The following SNX9 variants were observed in gnomAD, a reference collection of about 807,000 sequenced individuals.
SNX9 encodes the protein sorting nexin 9, also known as sorting nexin-9.
SNX9 carries 44 observed loss-of-function variants against 89.4 expected under a neutral mutation model. The observed-to-expected ratio is 0.49, with a 90% confidence interval of 0.39 to 0.63. The LOEUF is 0.63. Ranked by LOEUF, SNX9 falls within the 30% of genes least tolerant of loss-of-function variation. SNX9 has a pLI of 0.00. For missense variants in SNX9, 578 were observed against 736.1 expected (o/e 0.79, Z 2.49); for synonymous variants, 236 against 247.8 (o/e 0.95, Z 0.45).
intron 1 of SNX9, among the ~76,000 whole-genome samples, chr6:157,863,011 T>G (rs1397540792): frequency 6.6e-6 from 1 of 152,222 alleles, no homozygotes; most frequent in Non-Finnish European, 1.5e-5. Flanking sequence ...AGGACACTGT[T>G]TCTCTTTGTC....
intron 2 of SNX9, among the ~76,000 whole-genome samples, chr6:157,868,559 CATTT>C (rs1351030779): frequency 6.6e-6 from 1 of 152,204 alleles, no homozygotes; most frequent in Non-Finnish European, 1.5e-5. Context: ...ACATAATATT[CATTT>C]GTGTCCAATC....
intron 1 of SNX9, among the ~76,000 whole-genome samples, chr6:157,864,320 C>T (rs961261555): frequency 3.9e-5 from 6 of 152,140 alleles, no homozygotes; most frequent in Non-Finnish European, 8.8e-5. Flanking sequence ...CCATTTGCCG[C>T]ACCTCCCAAT....
Position 157,909,785 on chromosome 6 carries a change from C to T in SNX9, c.826C>T (p.Pro276Ser), listed in dbSNP as rs758195548. 2.5e-6 allele frequency: 4 copies of T among 1,613,916 alleles called. No individual in the cohort carries two copies. The South Asian group carries it at 4.4e-5, about 18-fold the overall frequency. The stretch of plus-strand genomic sequence containing the variant: ...GAGCTACATCGAATATCAGCTAACA[C>T]CTACTGTAAGTATCCACGTTATCAA... Reference protein sequence around the residue: ...LKSYIEYQLTPTNTNRSVNHR... With the variant: ...LKSYIEYQLTSTNTNRSVNHR... The change falls in exon 8 of 18, where the codon CCT becomes TCT. Residue 276 changes from proline to serine, a missense_variant. Transcript: ENST00000392185.
At chr6:157,847,111 T>C (rs1781819912) in intron 1 of SNX9, among the ~76,000 whole-genome samples, 1 of 152,156 alleles carries the variant, frequency 6.6e-6, no homozygotes, top group Non-Finnish European at 1.5e-5. Flanking sequence ...GTCTGCAGGT[T>C]TTTGTTTTTG....
intron 9 of SNX9, among the ~76,000 whole-genome samples, chr6:157,911,106 CTG>C (rs1265581143): frequency 1.4e-5 from 2 of 140,616 alleles, no homozygotes; most frequent in African/African-American, 6.1e-5. Flanking sequence ...GAGCGAGACT[CTG>C]TCTCAAATAA....
chr6:157,827,466 C>CTTATA (rs1781392671), intron 1 of SNX9, among the ~76,000 whole-genome samples: 5 of 19,144 alleles, frequency 2.6e-4, no homozygotes, highest in South Asian at 2.0e-3. Flanking sequence ...AATATATAAA[C>CTTATA]TTATAGTTTA....
chr6:157,896,774 T>G (rs1782985035), intron 4 of SNX9, 53 bp from the exon 5 acceptor site: 5 of 1,597,578 alleles, frequency 3.1e-6, no homozygotes, highest in Non-Finnish European at 4.3e-6. Flanking sequence ...TTGAATTGAG[T>G]CATGGTTTCC....
In SNX9 at chr6:157,896,961, C is replaced by T. The variant is rs202195603; in HGVS notation, c.435C>T (p.Asp145=). Residue 145 remains aspartate, a synonymous_variant, in exon 5 of 18, where the codon GAC becomes GAT. Coordinates refer to ENST00000392185, the MANE Select transcript of SNX9 (RefSeq NM_016224.5). The part of the protein sequence containing the change: ...QRNTNTPNNW[D]TAFGHPQAYQ... ...ACACAAACACTCCCAACAACTGGGA[C>T]ACTGCCTTCGGCCACCCCCAGGCCT... The T allele has an allele frequency of 6.2e-7, 1 of 1,611,420 alleles. No homozygotes were observed. The highest frequency in any genetic ancestry group is 1.7e-5 in the Admixed American group (1 of 58,930).
chr6:157,826,745 A>G (rs1254842708), intron 1 of SNX9, among the ~76,000 whole-genome samples: 1 of 129,358 alleles, frequency 7.7e-6, no homozygotes, highest in Non-Finnish European at 1.5e-5. Context: ...ACCTATTTAT[A>G]TTATAGGTTT....
intron 7 of SNX9, 63 bp from the exon 8 acceptor site, chr6:157,909,602 C>T: frequency 1.9e-6 from 3 of 1,586,812 alleles, no homozygotes; most frequent in Non-Finnish European, 2.6e-6. Context: ...TGCTGATTCA[C>T]ATCAATTGTA....
chr6:157,895,093 A>T (rs1782952009), intron 4 of SNX9, among the ~76,000 whole-genome samples: 1 of 152,234 alleles, frequency 6.6e-6, no homozygotes, highest in African/African-American at 2.4e-5. Context: ...CATGTGCAGT[A>T]GGTAAACATA....
Position 157,928,720 on chromosome 6 carries a change from A to AGCAG in SNX9, c.1288+19_1288+20insCAGG. ...CACGGGCCGTAAGTCCACTCCTCAC[A>AGCAG]GTGCACTGGGCTCGTAGGGGGTGAT... On this transcript the variant is annotated intron_variant, in intron 12 of 17. Coordinates refer to ENST00000392185, the MANE Select transcript of SNX9 (RefSeq NM_016224.5). 1.3e-6 allele frequency: 2 copies of AGCAG among 1,563,772 alleles called. No individual in the cohort carries two copies. Among genetic ancestry groups the AGCAG allele is most frequent in the Middle Eastern group, 1.7e-4 (1 of 5,872 alleles).
At chr6:157,858,888 G>T (rs2115127608) in intron 1 of SNX9, among the ~76,000 whole-genome samples, 1 of 152,266 alleles carries the variant, frequency 6.6e-6, no homozygotes, top group South Asian at 2.1e-4. Context: ...CCACCCCCAT[G>T]ATTCAGTTAT....
rs1240477144 is a variant in SNX9, at chr6:157,896,822, A to C, written c.301-5A>C. ...AATTCTCCTTCTTTTTACCCCTCTC[A>C]ATAGGTTGGCAGTGGCAATGACCCC... On this transcript the variant is annotated splice_polypyrimidine_tract_variant and splice_region_variant and intron_variant, in intron 4 of 17. Transcript: ENST00000392185. 6.2e-7 allele frequency: 1 copy of C among 1,612,488 alleles called. No homozygotes were observed. Among genetic ancestry groups the C allele is most frequent in the Non-Finnish European group, 8.5e-7 (1 of 1,179,668 alleles).
chr6:157,840,432 T>C (rs28591073), intron 1 of SNX9, among the ~76,000 whole-genome samples: 5,218 of 138,188 alleles, frequency 0.038, 241 homozygotes, highest in African/African-American at 0.05. Flanking sequence ...TTCTTTCTTT[T>C]CTTTCCTTTC....
intron 17 of SNX9, 39 bp from the exon 18 acceptor site, chr6:157,942,752 G>A (rs1784067932): frequency 3.1e-6 from 5 of 1,608,172 alleles, no homozygotes; most frequent in Non-Finnish European, 4.3e-6. Flanking sequence ...CGTAATGGGA[G>A]TGATATCTCA....
chr6:157,926,383 T>C (rs1175812961), intron 10 of SNX9, among the ~76,000 whole-genome samples: 1 of 152,180 alleles, frequency 6.6e-6, no homozygotes, highest in African/African-American at 2.4e-5. Flanking sequence ...TATCTTAATA[T>C]TTTTAAAAAA....
chr6:157,847,021 C>G (rs1446422527), intron 1 of SNX9, among the ~76,000 whole-genome samples: 1 of 152,058 alleles, frequency 6.6e-6, no homozygotes, highest in Non-Finnish European at 1.5e-5. Context: ...CCAGCCTGGG[C>G]AACAGAGCAA....
At position 157,927,091 on chromosome 6, in the gene SNX9, T is replaced by TA. The variant is rs1258478970; in HGVS notation, c.1081-19dup. ...TTGACTGTGCTCTCCACTTGAACCTTACAACATTCTCATTTACAGGAATGG... is the reference window on the plus strand; with the variant it reads ...TTGACTGTGCTCTCCACTTGAACCTTAACAACATTCTCATTTACAGGAATGG... On this transcript the variant is annotated intron_variant, in intron 10 of 17. Transcript: ENST00000392185. 7 of 1,599,554 alleles carry TA rather than the reference T, an allele frequency of 4.4e-6. No individual in the cohort carries two copies. Among genetic ancestry groups the TA allele is most frequent in the African/African-American group, 4.0e-5 (3 of 74,612 alleles).
Sources: allele counts gnomAD v4.1 joint callset (sites outside exome capture counted in the v4.1 genomes callset), GRCh38; gene constraint gnomAD v4.1.1; transcripts MANE v1.5; gene names NCBI Gene and HGNC (gene_info 2026-07-23, HGNC 2026-07-21).